Variants in SPIDR observed in about 807,000 individuals in gnomAD.
The protein encoded by SPIDR is scaffold protein involved in DNA repair, also known as DNA repair-scaffolding protein.
A neutral mutation model predicts 104.6 loss-of-function variants in SPIDR; 93 were observed. The observed-to-expected ratio is 0.89, with a 90% CI of 0.75 to 1.06. The LOEUF (loss-of-function observed/expected upper bound fraction) is 1.06. Among genes scored for constraint, SPIDR ranks in the 50% least tolerant of loss-of-function variants. SPIDR has a pLI of 0.00. For missense variants in SPIDR, 1,154 were observed against 1,111.2 expected, an observed-to-expected ratio of 1.04 and a Z score of -0.55; for synonymous variants, 431 against 416.9, an observed-to-expected ratio of 1.03 and a Z score of -0.41.
intron 10 of SPIDR, among the ~76,000 whole-genome samples, chr8:47,664,528 A>G (rs776777320): frequency 2.0e-5 from 3 of 152,166 alleles, no homozygotes; most frequent in Non-Finnish European, 2.9e-5. Flanking sequence ...TGTTGTTGAA[A>G]AGAACAACAA....
At chr8:47,319,759 G>C (rs201520344) in intron 5 of SPIDR, among the ~76,000 whole-genome samples, 3 of 152,124 alleles carry the variant, frequency 2.0e-5, no homozygotes, top group Non-Finnish European at 2.9e-5. Context: ...TCAGACCACA[G>C]TGCAATCAAA....
At chr8:47,655,370 A>G (rs931189766) in intron 10 of SPIDR, among the ~76,000 whole-genome samples, 5 of 152,168 alleles carry the variant, frequency 3.3e-5, no homozygotes, top group Admixed American at 3.3e-4. Flanking sequence ...GTTTCTCCAC[A>G]TCCTCTCCAG....
intron 8 of SPIDR, among the ~76,000 whole-genome samples, chr8:47,539,758 A>C (rs1169078336): frequency 6.6e-6 from 1 of 152,024 alleles, no homozygotes; most frequent in Non-Finnish European, 1.5e-5. Flanking sequence ...AAAAAAAAAA[A>C]AAACCCTTTT....
chr8:47,316,231 A>G (rs941345872), intron 5 of SPIDR, among the ~76,000 whole-genome samples: 7 of 152,224 alleles, frequency 4.6e-5, no homozygotes, highest in Admixed American at 3.9e-4. Context: ...TTAAGGAAAT[A>G]CAAAAGTAAA....
At chr8:47,592,485 A>G (rs2154420193) in intron 8 of SPIDR, 1 of 1,424,116 alleles carries the variant, frequency 7.0e-7, no homozygotes, top group South Asian at 1.1e-5. Context: ...GAATCCTGAG[A>G]GCCAGCAATG....
At chr8:47,320,165 C>G (rs1190213666) in intron 5 of SPIDR, among the ~76,000 whole-genome samples, 3 of 151,898 alleles carry the variant, frequency 2.0e-5, no homozygotes, top group Admixed American at 2.0e-4. Flanking sequence ...AGGAGCTGGT[C>G]TTTTGAAAAG....
chr8:47,388,352 G>A (rs1554649553), intron 5 of SPIDR: 2 of 153,954 alleles, frequency 1.3e-5, no homozygotes, highest in Non-Finnish European at 2.9e-5. Flanking sequence ...TATTTTTCAG[G>A]TAAATATCCT....
chr8:47,625,423 G>A (rs574239204), intron 10 of SPIDR, among the ~76,000 whole-genome samples: 240 of 152,282 alleles, frequency 1.6e-3, no homozygotes, highest in African/African-American at 5.3e-3. Flanking sequence ...AGGGTATTCA[G>A]TTAGGAAAAG....
At chr8:47,491,793 T>C (rs1237249847) in intron 8 of SPIDR, among the ~76,000 whole-genome samples, 7 of 151,896 alleles carry the variant, frequency 4.6e-5, no homozygotes, top group African/African-American at 1.5e-4. Flanking sequence ...AAGGCTGTAG[T>C]GAAGTATGAT....
chr8:47,731,104 A>C (rs182995849), intron 19 of SPIDR, among the ~76,000 whole-genome samples: 1 of 152,160 alleles, frequency 6.6e-6, no homozygotes, highest in East Asian at 1.9e-4. Flanking sequence ...CTAAAAATAC[A>C]AAAAAGCTGG....
chr8:47,572,199 G>A (rs1000625377), intron 8 of SPIDR, among the ~76,000 whole-genome samples: 1 of 152,096 alleles, frequency 6.6e-6, no homozygotes, highest in African/African-American at 2.4e-5. Flanking sequence ...TCAATAATCT[G>A]TTTATTTTGA....
intron 5 of SPIDR, among the ~76,000 whole-genome samples, chr8:47,352,710 A>T (rs2053766670): frequency 6.6e-6 from 1 of 152,098 alleles, no homozygotes; most frequent in Non-Finnish European, 1.5e-5. Flanking sequence ...ATTCTGGGAG[A>T]CGCAAAATTT....
intron 5 of SPIDR, among the ~76,000 whole-genome samples, chr8:47,309,711 T>G (rs1478664701): frequency 2.0e-5 from 3 of 152,172 alleles, no homozygotes; most frequent in African/African-American, 7.2e-5. Flanking sequence ...AATGATTGCT[T>G]TAGGAAATAT....
chr8:47,501,557 G>A (rs1776330469), intron 8 of SPIDR, among the ~76,000 whole-genome samples: 1 of 152,146 alleles, frequency 6.6e-6, no homozygotes, highest in Non-Finnish European at 1.5e-5. Context: ...AGATGATGGG[G>A]TTTTCTAGAA....
intron 8 of SPIDR, among the ~76,000 whole-genome samples, chr8:47,457,721 A>G (rs2073228667): frequency 2.0e-5 from 3 of 152,142 alleles, no homozygotes; most frequent in African/African-American, 7.2e-5. Flanking sequence ...TTACAGTTTC[A>G]GGTCTTAGAT....
chr8:47,548,599 G>A (rs1361132612), intron 8 of SPIDR, among the ~76,000 whole-genome samples: 4 of 152,186 alleles, frequency 2.6e-5, no homozygotes, highest in Non-Finnish European at 5.9e-5. Flanking sequence ...AGTCAGCTGC[G>A]ATTGCACCAC....
At chr8:47,703,074 T>C (rs2080554477) in intron 14 of SPIDR, among the ~76,000 whole-genome samples, 1 of 152,172 alleles carries the variant, frequency 6.6e-6, no homozygotes, top group Non-Finnish European at 1.5e-5. Flanking sequence ...CTCACACCCC[T>C]CACTTTTCTT....
chr8:47,469,800 C>T (rs536680618), intron 8 of SPIDR, among the ~76,000 whole-genome samples: 18 of 152,074 alleles, frequency 1.2e-4, no homozygotes, highest in East Asian at 7.7e-4. Context: ...TGAAATAATC[C>T]GTACAACAAA....
At chr8:47,295,720 CA>C (rs2040723567) in intron 5 of SPIDR, among the ~76,000 whole-genome samples, 2 of 152,050 alleles carry the variant, frequency 1.3e-5, no homozygotes. Flanking sequence ...AGATTGCTTC[CA>C]AATCTTAGCT....
Sources: allele counts gnomAD v4.1 joint callset (sites outside exome capture counted in the v4.1 genomes callset), GRCh38; gene constraint gnomAD v4.1.1; transcripts MANE v1.5; gene names NCBI Gene and HGNC (gene_info 2026-07-23, HGNC 2026-07-21).